Variants in BICD1 observed in about 807,000 individuals in gnomAD.
BICD1 encodes BICD cargo adaptor 1.
A neutral mutation model predicts 92.5 loss-of-function variants in BICD1; 35 were observed. The ratio of observed to expected loss-of-function variants is 0.38; its 90% CI spans 0.29 to 0.50. The LOEUF (loss-of-function observed/expected upper bound fraction) is 0.50. Among genes scored for constraint, BICD1 ranks in the 20% least tolerant of loss-of-function variants. The probability of loss-of-function intolerance (pLI) is 0.93; values close to 1 mark genes in which losing one functional copy is unlikely to be tolerated. For missense variants in BICD1, 950 were observed against 1,189.8 expected (o/e 0.80, Z 2.97); for synonymous variants, 429 against 465.1 (o/e 0.92, Z 1.00).
chr12:32,140,004 C>T (rs895984322), intron 1 of BICD1, among the ~76,000 whole-genome samples: 2 of 152,202 alleles, frequency 1.3e-5, no homozygotes, highest in Non-Finnish European at 2.9e-5. Flanking sequence ...CAGCAGCTCT[C>T]TGTTCAGTGG....
At chr12:32,218,955 G>A (rs916908071) in intron 2 of BICD1, among the ~76,000 whole-genome samples, 1 of 152,134 alleles carries the variant, frequency 6.6e-6, no homozygotes, top group Non-Finnish European at 1.5e-5. Flanking sequence ...ATTTTTTGGT[G>A]TATTGATACA....
intron 1 of BICD1, among the ~76,000 whole-genome samples, chr12:32,195,804 T>G (rs1944709716): frequency 6.6e-6 from 1 of 152,088 alleles, no homozygotes; most frequent in African/African-American, 2.4e-5. Context: ...AAAAAACTTC[T>G]GCACAACAAA....
intron 1 of BICD1, among the ~76,000 whole-genome samples, chr12:32,117,460 TTTTGA>T (rs1941955601): frequency 6.6e-6 from 1 of 152,092 alleles, no homozygotes; most frequent in South Asian, 2.1e-4. Context: ...CAAAACTTTA[TTTTGA>T]TTTATGTTTT....
intron 1 of BICD1, among the ~76,000 whole-genome samples, chr12:32,194,000 C>T (rs1266625103): frequency 6.6e-6 from 1 of 152,086 alleles, no homozygotes; most frequent in Non-Finnish European, 1.5e-5. Flanking sequence ...ACATCATACA[C>T]CATAATCAAT....
chr12:32,110,824 CTG>C (rs1565520339), intron 1 of BICD1, among the ~76,000 whole-genome samples: 1 of 116,600 alleles, frequency 8.6e-6, no homozygotes. Flanking sequence ...ACATCACACT[CTG>C]GGGACTGTTG....
At chr12:32,362,724 G>T (rs1019317032) in intron 8 of BICD1, among the ~76,000 whole-genome samples, 1 of 152,118 alleles carries the variant, frequency 6.6e-6, no homozygotes, top group African/African-American at 2.4e-5. Context: ...TTAAATCCTT[G>T]TTCCGCCACT....
intron 1 of BICD1, among the ~76,000 whole-genome samples, 171 bp from the exon 2 acceptor site, chr12:32,216,076 G>A (rs181020939): frequency 9.9e-5 from 15 of 151,352 alleles, no homozygotes; most frequent in Middle Eastern, 6.9e-3. Flanking sequence ...CTTATTAAGC[G>A]AATTGAATTA....
intron 8 of BICD1, among the ~76,000 whole-genome samples, chr12:32,342,226 ATATATATG>A (rs1426488724): frequency 7.0e-6 from 1 of 143,024 alleles, no homozygotes; most frequent in African/African-American, 2.6e-5. Context: ...ATATATATAT[ATATATATG>A]TATAGTTTTG....
At chr12:32,320,681 G>A (rs995716283) in intron 4 of BICD1, among the ~76,000 whole-genome samples, 2 of 140,812 alleles carry the variant, frequency 1.4e-5, no homozygotes. Flanking sequence ...TAAACACTCA[G>A]TGAAATAAAA....
intron 1 of BICD1, among the ~76,000 whole-genome samples, chr12:32,214,116 T>C (rs2121550977): frequency 6.6e-6 from 1 of 152,316 alleles, no homozygotes; most frequent in South Asian, 2.1e-4. Flanking sequence ...GATTTGGCCA[T>C]TGGAAGCCCC....
intron 1 of BICD1, among the ~76,000 whole-genome samples, chr12:32,134,873 T>G (rs914155124): frequency 5.9e-5 from 9 of 152,290 alleles, no homozygotes; most frequent in African/African-American, 2.2e-4. Context: ...GCTTGGTGAT[T>G]GATAAACATT....
chr12:32,250,869 G>T (rs1457231738), intron 2 of BICD1, among the ~76,000 whole-genome samples: 1 of 152,112 alleles, frequency 6.6e-6, no homozygotes, highest in Non-Finnish European at 1.5e-5. Flanking sequence ...TATAGTCCCA[G>T]CTACTTGGGA....
intron 1 of BICD1, among the ~76,000 whole-genome samples, chr12:32,183,746 C>T (rs1389173873): frequency 6.6e-6 from 1 of 152,132 alleles, no homozygotes; most frequent in East Asian, 1.9e-4. Flanking sequence ...TTCAGAGTTC[C>T]CAGCTAATAA....
At chr12:32,194,961 T>A (rs1234045769) in intron 1 of BICD1, among the ~76,000 whole-genome samples, 1 of 151,298 alleles carries the variant, frequency 6.6e-6, no homozygotes, top group Non-Finnish European at 1.5e-5. Flanking sequence ...ATCTGTACAT[T>A]GAAAACTGTA....
At chr12:32,236,051 T>C (rs1946062443) in intron 2 of BICD1, among the ~76,000 whole-genome samples, 1 of 151,954 alleles carries the variant, frequency 6.6e-6, no homozygotes, top group African/African-American at 2.4e-5. Context: ...TCACTGTCTT[T>C]GGTGTTACTA....
chr12:32,149,173 A>G (rs564401582), intron 1 of BICD1, among the ~76,000 whole-genome samples: 9 of 152,270 alleles, frequency 5.9e-5, no homozygotes, highest in Admixed American at 4.6e-4. Context: ...TTTCCATACA[A>G]TCTCATCCTC....
rs75573866 is a variant in BICD1 at position 32,129,838 on chromosome 12, C to T, written c.213+22294C>T. Among the ~76,000 whole-genome samples the T allele has an allele frequency of 8.5e-3, 1,297 of 152,080 alleles. 21 individuals are homozygous for T. The highest frequency in any genetic ancestry group is 0.029 in the African/African-American group (1,212 of 41,488). ...AATGAATTCTACTCAGTAGAAAATTCCTGAGAATATTTATTAAATGTCACT... is the reference window on the plus strand; with the variant it reads ...AATGAATTCTACTCAGTAGAAAATTTCTGAGAATATTTATTAAATGTCACT... On this transcript the variant is annotated intron_variant, in intron 1 of 9. Transcript: ENST00000652176.
intron 2 of BICD1, among the ~76,000 whole-genome samples, chr12:32,252,417 G>A (rs534081003): frequency 4.6e-5 from 7 of 151,914 alleles, no homozygotes; most frequent in South Asian, 2.1e-4. Context: ...CTTACAAGTC[G>A]GATAGTGGGA....
At chr12:32,173,105 T>C (rs1264916738) in intron 1 of BICD1, among the ~76,000 whole-genome samples, 4 of 151,904 alleles carry the variant, frequency 2.6e-5, no homozygotes, top group Admixed American at 2.6e-4. Flanking sequence ...TGGAGTGCAG[T>C]GGCACGATCG....
Sources: gnomAD v4.1 joint callset for allele counts (sites outside exome capture counted in the v4.1 genomes callset) on GRCh38, gnomAD v4.1.1 for gene constraint, MANE v1.5 for transcripts, NCBI Gene and HGNC (gene_info 2026-07-23, HGNC 2026-07-21) for gene names.